The following GARNL3 variants were observed in gnomAD, a reference collection of about 807,000 sequenced individuals.
GARNL3 encodes the protein GTPase activating Rap/RanGAP domain like 3.
In GARNL3, 63 loss-of-function variants were observed where a neutral mutation model predicts 125.0. The observed-to-expected ratio is 0.50, with a 90% CI of 0.41 to 0.62. The LOEUF is 0.62. GARNL3 is among the 20% of genes least tolerant of loss of function. GARNL3 has a pLI of 0.00. For synonymous variants in GARNL3, 439 were observed against 457.5 expected, an observed-to-expected ratio of 0.96 and a Z score of 0.52; for missense variants, 994 against 1,244.0, an observed-to-expected ratio of 0.80 and a Z score of 3.02.
chr9:127,319,718 A>G (rs1279820623), intron 5 of GARNL3, among the ~76,000 whole-genome samples: 1 of 152,178 alleles, frequency 6.6e-6, no homozygotes, highest in Non-Finnish European at 1.5e-5. Flanking sequence ...ATTTGCTTGG[A>G]GAGTAATACC....
At chr9:127,330,628 G>A (rs942120610) in intron 7 of GARNL3, among the ~76,000 whole-genome samples, 1 of 152,208 alleles carries the variant, frequency 6.6e-6, no homozygotes, top group Non-Finnish European at 1.5e-5. Context: ...GATTTACAGA[G>A]TGTAAATAGT....
At chr9:127,292,845 T>C (rs2064465383) in intron 2 of GARNL3, among the ~76,000 whole-genome samples, 1 of 152,240 alleles carries the variant, frequency 6.6e-6, no homozygotes, top group South Asian at 2.1e-4. Flanking sequence ...AGAGTCAGAC[T>C]TCCCAGGGTT....
At chr9:127,283,901 A>G (rs2064168585) in intron 1 of GARNL3, among the ~76,000 whole-genome samples, 1 of 152,206 alleles carries the variant, frequency 6.6e-6, no homozygotes, top group African/African-American at 2.4e-5. Flanking sequence ...GCAGAGATAT[A>G]AGACCAAATA....
At chr9:127,335,148 A>G in intron 9 of GARNL3, 82 bp from the exon 10 acceptor site, 2 of 938,930 alleles carry the variant, frequency 2.1e-6, no homozygotes, top group Non-Finnish European at 3.5e-6. Context: ...TGTATACAGT[A>G]TTTCCCTAGT....
At chr9:127,288,495 G>A (rs1418034117) in intron 1 of GARNL3, among the ~76,000 whole-genome samples, 2 of 152,212 alleles carry the variant, frequency 1.3e-5, no homozygotes, top group Non-Finnish European at 2.9e-5. Context: ...GACTCAGTAG[G>A]AGGTGGTTGT....
upstream of GARNL3, among the ~76,000 whole-genome samples, chr9:127,260,998 G>A (rs539272980): frequency 2.0e-5 from 3 of 152,178 alleles, no homozygotes; most frequent in South Asian, 2.1e-4. Flanking sequence ...GCTCACGCCC[G>A]TAATTCCAGC....
At chr9:127,371,498 C>T (rs1273539410) in intron 22 of GARNL3, among the ~76,000 whole-genome samples, 1 of 152,160 alleles carries the variant, frequency 6.6e-6, no homozygotes. Context: ...TGGGTGACAA[C>T]GGGAGCAGCT....
chr9:127,348,078 G>A (rs1006982579), intron 16 of GARNL3, among the ~76,000 whole-genome samples: 2 of 152,200 alleles, frequency 1.3e-5, no homozygotes, highest in African/African-American at 4.8e-5. Flanking sequence ...ACAGCCCCAG[G>A]TGGGACACAT....
rs118101025 is a variant in GARNL3, at chr9:127,286,795, C to T, written c.145-4373C>T. Among the ~76,000 whole-genome samples, 60 of 152,332 alleles carry T rather than the reference C, an allele frequency of 3.9e-4. No individual in the cohort carries two copies. In the East Asian group the frequency reaches 8.3e-3, roughly 21 times the overall value. On this transcript the variant is annotated intron_variant, in intron 1 of 27. Coordinates refer to ENST00000373387, the MANE Select transcript of GARNL3 (RefSeq NM_032293.5). ...GATATTTCAGATTTTACATTTTATA[C>T]TATCAACTTATCATAGGATCAATGA...
chr9:127,264,068 A>G (rs1374593516), upstream of GARNL3: 2 of 944,384 alleles, frequency 2.1e-6, no homozygotes, highest in Admixed American at 2.5e-5. Flanking sequence ...TGTTATTCCT[A>G]TATAATTTTA....
intron 21 of GARNL3, among the ~76,000 whole-genome samples, chr9:127,359,462 C>T (rs191054843): frequency 5.3e-5 from 8 of 152,086 alleles, no homozygotes; most frequent in African/African-American, 7.2e-5. Context: ...TGCACTCCAG[C>T]CTGGCGACAG....
chr9:127,295,505 T>A (rs1391591389), intron 2 of GARNL3, among the ~76,000 whole-genome samples: 1 of 152,144 alleles, frequency 6.6e-6, no homozygotes, highest in African/African-American at 2.4e-5. Flanking sequence ...AATTCAATTC[T>A]CACACCGACT....
chr9:127,262,595 T>G (rs962585720), upstream of GARNL3, among the ~76,000 whole-genome samples: 3 of 152,366 alleles, frequency 2.0e-5, no homozygotes, highest in South Asian at 4.1e-4. Flanking sequence ...GGTTTTGGCA[T>G]GCACATAGCA....
At chr9:127,337,788 C>T (rs1829635435) in intron 11 of GARNL3, among the ~76,000 whole-genome samples, 1 of 152,158 alleles carries the variant, frequency 6.6e-6, no homozygotes, top group South Asian at 2.1e-4. Flanking sequence ...TTTGTACTTC[C>T]AGGCAAGGGA....
At chr9:127,290,844 A>G (rs1005974232) in intron 1 of GARNL3, among the ~76,000 whole-genome samples, 3 of 152,232 alleles carry the variant, frequency 2.0e-5, no homozygotes, top group East Asian at 1.9e-4. Flanking sequence ...TGGTCTTGCC[A>G]TCTGTGAACT....
intron 16 of GARNL3, among the ~76,000 whole-genome samples, chr9:127,347,651 G>A (rs931102686): frequency 6.6e-6 from 1 of 152,100 alleles, no homozygotes. Flanking sequence ...GCTGATGTCT[G>A]TGTCTTCTCC....
chr9:127,299,786 C>T (rs1471589366), intron 2 of GARNL3, among the ~76,000 whole-genome samples: 1 of 152,120 alleles, frequency 6.6e-6, no homozygotes, highest in Non-Finnish European at 1.5e-5. Context: ...AGAATGGTCT[C>T]GATCTCCTGA....
chr9:127,380,881 C>A (rs1020088010), intron 22 of GARNL3, among the ~76,000 whole-genome samples: 3 of 152,026 alleles, frequency 2.0e-5, no homozygotes, highest in African/African-American at 7.2e-5. Context: ...TTGAATTGTA[C>A]ATTTTATTTT....
chr9:127,302,446 C>T (rs769592689), intron 2 of GARNL3, among the ~76,000 whole-genome samples: 30 of 152,020 alleles, frequency 2.0e-4, no homozygotes, highest in Non-Finnish European at 4.0e-4. Context: ...AACTATGGTC[C>T]ATTTACACAA....
Sources: allele counts gnomAD v4.1 joint callset (sites outside exome capture counted in the v4.1 genomes callset), GRCh38; gene constraint gnomAD v4.1.1; transcripts MANE v1.5; gene names NCBI Gene and HGNC (gene_info 2026-07-23, HGNC 2026-07-21).